Variants in TGS1 observed in about 807,000 individuals in gnomAD.
TGS1 encodes the protein trimethylguanosine synthase.
Under a neutral mutation model 92.2 loss-of-function variants are expected in TGS1, and 69 were observed. The ratio of observed to expected loss-of-function variants is 0.75; its 90% CI spans 0.62 to 0.91. TGS1 has a LOEUF of 0.91. Among genes scored for constraint, TGS1 ranks in the 40% least tolerant of loss-of-function variants. The pLI, the probability that TGS1 is intolerant of heterozygous loss-of-function variation, is 0.00. For synonymous variants in TGS1, 345 were observed against 338.1 expected, an observed-to-expected ratio of 1.02 and a Z score of -0.22; for missense variants, 1,062 against 1,001.2, an observed-to-expected ratio of 1.06 and a Z score of -0.82.
At chr8:55,782,461 G>A (rs1811593537) in intron 1 of TGS1, among the ~76,000 whole-genome samples, 1 of 152,048 alleles carries the variant, frequency 6.6e-6, no homozygotes, top group Admixed American at 6.6e-5. Flanking sequence ...ATTACAGGTG[G>A]GAGCCACTGT....
chr8:55,786,604 G>T lies in TGS1; in HGVS notation c.706G>T (p.Glu236Ter). 1.9e-6 allele frequency: 3 copies of T among 1,614,192 alleles called. No individual in the cohort carries two copies. The highest frequency in any genetic ancestry group is 2.5e-6 in the Non-Finnish European group (3 of 1,180,014). ...EPWNFPDTKE[E>*]WEQHYSQLYW... ...TTGGAACTTTCCTGATACAAAGGAA[G>T]AATGGGAGCAACATTATAGTCAACT... The change falls in exon 4 of 13, where the codon GAA becomes TAA. Residue 236 changes from glutamate (E) to a stop codon, truncating the protein, a stop_gained. Coordinates refer to ENST00000260129, the MANE Select transcript of TGS1 (RefSeq NM_024831.8). LOFTEE classifies it high-confidence loss of function.
intron 6 of TGS1, among the ~76,000 whole-genome samples, chr8:55,794,367 T>C (rs1228888846): frequency 6.6e-6 from 1 of 152,214 alleles, no homozygotes; most frequent in Non-Finnish European, 1.5e-5. Context: ...ATTTATTCCT[T>C]CTTATTGCTG....
At chr8:55,780,478 G>A (rs981038337) in intron 1 of TGS1, among the ~76,000 whole-genome samples, 1 of 152,136 alleles carries the variant, frequency 6.6e-6, no homozygotes, top group Non-Finnish European at 1.5e-5. Context: ...GCCTCAGGAG[G>A]CACTTTTTGT....
intron 5 of TGS1, among the ~76,000 whole-genome samples, chr8:55,791,103 G>A (rs1158051014): frequency 1.3e-5 from 2 of 152,138 alleles, no homozygotes; most frequent in Non-Finnish European, 2.9e-5. Flanking sequence ...AGGCAAACAG[G>A]AATGAGTACC....
chr8:55,774,750 T>C (rs958274812), intron 1 of TGS1, among the ~76,000 whole-genome samples: 1 of 152,186 alleles, frequency 6.6e-6, no homozygotes, highest in Non-Finnish European at 1.5e-5. Context: ...TTGATTATAG[T>C]TATAAGTGCT....
At chr8:55,790,774 C>T (rs1811856864) in intron 5 of TGS1, among the ~76,000 whole-genome samples, 1 of 152,158 alleles carries the variant, frequency 6.6e-6, no homozygotes, top group South Asian at 2.1e-4. Flanking sequence ...TTGCCTTGGC[C>T]TTCCAAAGCA....
At position 55,802,513 on chromosome 8, in the gene TGS1, C is replaced by G. The variant is rs1254154500; in HGVS notation, c.1906C>G (p.Pro636Ala). The change falls in exon 9 of 13, where the codon CCT becomes GCT. Residue 636 changes from proline (P) to alanine (A), a missense_variant. Coordinates refer to ENST00000260129, the MANE Select transcript of TGS1 (RefSeq NM_024831.8). Reference protein sequence around the residue: ...KKNKKVNGLPPEIAAVPELAK... With the variant: ...KKNKKVNGLPAEIAAVPELAK... Reference sequence around the variant, plus strand: ...GAACAAAAAGGTGAATGGTCTGCCTCCTGAAATAGCTGCTGTTCCTGAGCT... The same window carrying G: ...GAACAAAAAGGTGAATGGTCTGCCTGCTGAAATAGCTGCTGTTCCTGAGCT... 1.9e-6 allele frequency: 3 copies of G among 1,613,976 alleles called. No individual in the cohort carries two copies. Among genetic ancestry groups the G allele is most frequent in the Non-Finnish European group, 1.7e-6 (2 of 1,179,996 alleles).
In TGS1 at chr8:55,802,457, C is replaced by T. The variant is rs1812243861; in HGVS notation, c.1850C>T (p.Ala617Val). The change falls in exon 9 of 13, where the codon GCT becomes GTT. Residue 617 changes from alanine to valine, a missense_variant and splice_region_variant. By Grantham distance (64) the Ala-to-Val change is moderately conservative. Coordinates refer to ENST00000260129, the MANE Select transcript of TGS1 (RefSeq NM_024831.8). ...VPDSRQAETEAEVKKKKNKKK... is the reference protein window; with the variant it reads ...VPDSRQAETEVEVKKKKNKKK... ...CTATATTCTTTGTATTTTATTTTAG[C>T]TGAAGTGAAAAAGAAGAAGAACAAG... The T allele has an allele frequency of 3.1e-6, 5 of 1,611,674 alleles. No homozygotes were observed. Among genetic ancestry groups the T allele is most frequent in the Middle Eastern group, 1.7e-4 (1 of 6,052 alleles).
At chr8:55,775,101 A>T (rs6995077) in intron 1 of TGS1, among the ~76,000 whole-genome samples, 128,249 of 151,044 alleles carry the variant, frequency 0.85, 54,721 homozygotes, top group East Asian at 0.99. Context: ...ATTTTTTTTT[A>T]AAATTAGCCA....
At position 55,785,744 on chromosome 8, in the gene TGS1, A is replaced by G. The variant is rs935693343; in HGVS notation, c.192A>G (p.Glu64=). The G allele has an allele frequency of 1.2e-6, 2 of 1,610,380 alleles. No individual in the cohort carries two copies. The highest frequency in any genetic ancestry group is 1.3e-5 in the African/African-American group (1 of 74,700). The change falls in exon 3 of 13, where the codon GAA becomes GAG. Residue 64 remains glutamate (E), a synonymous_variant. Coordinates refer to ENST00000260129, the MANE Select transcript of TGS1 (RefSeq NM_024831.8). The part of the protein sequence containing the change: ...NSGDQATEEE[E]GGYSCGTAES... Reference sequence around the variant, plus strand: ...GAGACCAGGCGACAGAAGAAGAGGAAGGTGGTTATTCCTGTGGTACTGCAG... The same window carrying G: ...GAGACCAGGCGACAGAAGAAGAGGAGGGTGGTTATTCCTGTGGTACTGCAG...
At chr8:55,805,198 A>G (rs1812332396) in intron 10 of TGS1, among the ~76,000 whole-genome samples, 162 bp downstream of exon 10, 1 of 152,194 alleles carries the variant, frequency 6.6e-6, no homozygotes, top group South Asian at 2.1e-4. Flanking sequence ...TATACTTTGT[A>G]TTGCATACTG....
Position 55,790,624 on chromosome 8 carries a change from A to C in TGS1, c.1280+325A>C, listed in dbSNP as rs542107277. On this transcript the variant is annotated intron_variant, in intron 5 of 12. Transcript: ENST00000260129. ...CAATTGAACTTGAACTCCTCAGCTC[A>C]ATTGATCCTTCTGCCTTGAGTAGCT... Among the ~76,000 whole-genome samples, 293 of 152,202 alleles carry C rather than the reference A, an allele frequency of 1.9e-3. 2 individuals are homozygous for C. The highest frequency in any genetic ancestry group is 6.6e-3 in the African/African-American group (273 of 41,540).
intron 12 of TGS1, among the ~76,000 whole-genome samples, chr8:55,821,841 C>T (rs969550710): frequency 1.3e-5 from 2 of 151,894 alleles, no homozygotes; most frequent in African/African-American, 2.4e-5. Flanking sequence ...CGCCACTGCA[C>T]TCCAGCCTAG....
At chr8:55,822,132 C>T (rs1033022908) in intron 12 of TGS1, among the ~76,000 whole-genome samples, 25 of 150,238 alleles carry the variant, frequency 1.7e-4, no homozygotes, top group African/African-American at 5.9e-4. Flanking sequence ...TGCAGTGGTG[C>T]GATCTCAGCT....
chr8:55,791,593 G>GT (rs1209734036), intron 5 of TGS1, among the ~76,000 whole-genome samples: 7 of 152,210 alleles, frequency 4.6e-5, no homozygotes, highest in Admixed American at 2.0e-4. Context: ...GCTGTTTGTT[G>GT]TAAGATGCTG....
At chr8:55,801,819 C>T (rs1812224049) in intron 8 of TGS1, among the ~76,000 whole-genome samples, 1 of 151,940 alleles carries the variant, frequency 6.6e-6, no homozygotes, top group Non-Finnish European at 1.5e-5. Context: ...GAACTTCTGA[C>T]CTGCCTCAGC....
intron 10 of TGS1, 107 bp from the exon 11 acceptor site, chr8:55,810,774 A>T: frequency 1.1e-6 from 1 of 906,780 alleles, no homozygotes; most frequent in South Asian, 1.5e-5. Flanking sequence ...CCTCCTCTTT[A>T]TAAAGAGTTC....
At chr8:55,817,869 A>G (rs1803527592) in intron 12 of TGS1, among the ~76,000 whole-genome samples, 1 of 152,198 alleles carries the variant, frequency 6.6e-6, no homozygotes, top group Non-Finnish European at 1.5e-5. Flanking sequence ...TACACTAACA[A>G]TACCCTGCAT....
chr8:55,776,167 G>C (rs1279745961), intron 1 of TGS1, among the ~76,000 whole-genome samples: 1 of 152,048 alleles, frequency 6.6e-6, no homozygotes, highest in East Asian at 1.9e-4. Context: ...CTCTAAGGGG[G>C]TCTGCATGAG....
Sources: allele counts gnomAD v4.1 joint callset (sites outside exome capture counted in the v4.1 genomes callset), GRCh38; gene constraint gnomAD v4.1.1; transcripts MANE v1.5; gene names NCBI Gene and HGNC (gene_info 2026-07-23, HGNC 2026-07-21).